The following NNT variants were observed in gnomAD, a reference collection of about 807,000 sequenced individuals.
The protein encoded by NNT is NAD(P) transhydrogenase, mitochondrial.
In NNT, 50 loss-of-function variants were observed where a neutral mutation model predicts 104.8. The ratio of observed to expected loss-of-function variants is 0.48; its 90% CI spans 0.38 to 0.60. The LOEUF (loss-of-function observed/expected upper bound fraction) is 0.60, where lower values mean the gene tolerates loss of function less well. Ranked by LOEUF, NNT falls within the 20% of genes least tolerant of loss-of-function variation. NNT has a pLI of 0.00. For synonymous variants in NNT, 461 were observed against 490.4 expected (o/e 0.94, Z 0.79); for missense variants, 1,131 against 1,330.7 (o/e 0.85, Z 2.33).
intron 19 of NNT, among the ~76,000 whole-genome samples, chr5:43,689,344 A>T (rs911392612): frequency 1.3e-5 from 2 of 152,184 alleles, no homozygotes; most frequent in Admixed American, 1.3e-4. Flanking sequence ...TTGTCTGTGA[A>T]TGAACTCTGT....
intron 10 of NNT, chr5:43,648,257 A>G (rs3805721): frequency 0.035 from 36,045 of 1,020,986 alleles, 796 homozygotes; most frequent in East Asian, 0.11. Flanking sequence ...TAGATATTCC[A>G]GTGGTGCCAC....
At chr5:43,682,676 T>C (rs970004322) in intron 19 of NNT, among the ~76,000 whole-genome samples, 1 of 152,250 alleles carries the variant, frequency 6.6e-6, no homozygotes, top group African/African-American at 2.4e-5. Flanking sequence ...GTTAAAATTA[T>C]CTTGTATAGT....
At chr5:43,672,822 G>A (rs895222025) in intron 17 of NNT, among the ~76,000 whole-genome samples, 3 of 152,232 alleles carry the variant, frequency 2.0e-5, no homozygotes, top group Non-Finnish European at 4.4e-5. Context: ...GTCAGACAGG[G>A]ACATGTAAGT....
intron 2 of NNT, among the ~76,000 whole-genome samples, chr5:43,610,450 T>A (rs548478349): frequency 6.8e-4 from 104 of 152,278 alleles, no homozygotes; most frequent in African/African-American, 2.5e-3. Context: ...TGTCTTTTAT[T>A]CTAGATGGCA....
chr5:43,648,850 A>G (rs552655637), intron 10 of NNT, among the ~76,000 whole-genome samples: 2 of 152,344 alleles, frequency 1.3e-5, no homozygotes, highest in South Asian at 4.1e-4. Flanking sequence ...AAGTTAAAAC[A>G]GGGAAGAGGA....
chr5:43,673,756 T>C (rs896995035), intron 17 of NNT, among the ~76,000 whole-genome samples: 3 of 152,172 alleles, frequency 2.0e-5, no homozygotes, highest in Non-Finnish European at 4.4e-5. Flanking sequence ...CTGTGGCTCA[T>C]TCATGTAATC....
chr5:43,644,524 T>G, intron 8 of NNT, 87 bp from the exon 9 acceptor site: 1 of 1,250,908 alleles, frequency 8.0e-7, no homozygotes. Context: ...ATTACAAAAC[T>G]TAGCATTGAA....
At chr5:43,626,877 A>G (rs1025366996) in intron 6 of NNT, among the ~76,000 whole-genome samples, 1 of 151,588 alleles carries the variant, frequency 6.6e-6, no homozygotes, top group African/African-American at 2.4e-5. Flanking sequence ...GTGTATATAT[A>G]TAACATATAA....
intron 19 of NNT, among the ~76,000 whole-genome samples, chr5:43,691,099 G>A (rs1742257188): frequency 6.6e-6 from 1 of 151,656 alleles, no homozygotes; most frequent in Non-Finnish European, 1.5e-5. Context: ...GTGTGTGTGT[G>A]TGTGTGTGTG....
intron 7 of NNT, among the ~76,000 whole-genome samples, chr5:43,641,424 G>A (rs934525287): frequency 1.3e-5 from 2 of 151,922 alleles, no homozygotes; most frequent in East Asian, 1.9e-4. Flanking sequence ...TATTAAAAAC[G>A]TTTAATTTTA....
intron 5 of NNT, among the ~76,000 whole-genome samples, chr5:43,620,645 G>A (rs1053980593): frequency 6.6e-6 from 1 of 152,088 alleles, no homozygotes; most frequent in East Asian, 1.9e-4. Context: ...TGAAAAACAG[G>A]CCAGGTGAAA....
At chr5:43,661,390 T>TTTAC (rs1740349042) in intron 17 of NNT, among the ~76,000 whole-genome samples, 1 of 106,262 alleles carries the variant, frequency 9.4e-6, no homozygotes, top group African/African-American at 5.4e-5. Context: ...GAAAGTGGCT[T>TTTAC]TTATTTATTT....
At chr5:43,661,090 T>A (rs1012890372) in intron 17 of NNT, among the ~76,000 whole-genome samples, 2 of 152,136 alleles carry the variant, frequency 1.3e-5, no homozygotes, top group Admixed American at 6.5e-5. Flanking sequence ...ACAAAGGATT[T>A]GATAGCCCAA....
intron 17 of NNT, among the ~76,000 whole-genome samples, chr5:43,671,563 GA>G (rs1291650093): frequency 6.6e-6 from 1 of 152,210 alleles, no homozygotes; most frequent in East Asian, 1.9e-4. Context: ...GGCTGGATAT[GA>G]AATTCTGGGT....
chr5:43,663,963 G>A (rs997309157), intron 17 of NNT, among the ~76,000 whole-genome samples: 9 of 152,072 alleles, frequency 5.9e-5, no homozygotes, highest in African/African-American at 1.9e-4. Context: ...GAGTTAATAT[G>A]GTACCAGTAT....
At position 43,653,108 on chromosome 5, in the gene NNT, A is replaced by G. The variant is rs777775290; in HGVS notation, c.1954A>G (p.Met652Val). ...GTARLGNALG[M>V]IGVAGGLAAT... Reference sequence around the variant, plus strand: ...AGCACGTCTTGGCAATGCACTGGGCATGATTGGGGTTGCTGGAGGACTGGC... The same window carrying G: ...AGCACGTCTTGGCAATGCACTGGGCGTGATTGGGGTTGCTGGAGGACTGGC... Residue 652 changes from methionine (M) to valine (V), a missense_variant, in exon 14 of 22, where the codon ATG (methionine) becomes GTG (valine). Met to Val is a conservative substitution (Grantham distance 21). Transcript: ENST00000344920. 8.1e-6 allele frequency: 13 copies of G among 1,613,940 alleles called. No homozygotes were observed. The East Asian group carries it at 2.9e-4, about 36-fold the overall frequency.
In NNT at chr5:43,705,767, G is replaced by A. The variant is rs2112278343; in HGVS notation, c.*1363G>A. 6.9e-6 allele frequency: 1 copy of A among 144,062 alleles called. No homozygotes were observed. Among genetic ancestry groups the A allele is most frequent in the African/African-American group, 2.7e-5 (1 of 36,766 alleles). 8.9% of individuals were successfully genotyped at this position (144,062 alleles called of 1,614,324 possible). A position where few individuals can be genotyped will look rare whatever the true frequency, so the allele number is the denominator to read the frequency against. On this transcript the variant is annotated 3_prime_UTR_variant, in exon 22 of 22. Coordinates refer to ENST00000344920, the MANE Select transcript of NNT (RefSeq NM_182977.3). ...TTTGCTGTGCCTGAGATTAAGATCTGTGTATGTGTGTGTGTGTGTGTGTGC... is the reference window on the plus strand; with the variant it reads ...TTTGCTGTGCCTGAGATTAAGATCTATGTATGTGTGTGTGTGTGTGTGTGC...
At chr5:43,701,465 T>G (rs1351382489) in intron 20 of NNT, among the ~76,000 whole-genome samples, 2 of 152,196 alleles carry the variant, frequency 1.3e-5, no homozygotes, top group Non-Finnish European at 2.9e-5. Flanking sequence ...TACCATATTT[T>G]TTTTTATCCA....
intron 7 of NNT, among the ~76,000 whole-genome samples, chr5:43,642,981 G>A (rs1335996232): frequency 1.3e-5 from 2 of 152,216 alleles, no homozygotes; most frequent in African/African-American, 2.4e-5. Flanking sequence ...CTGGAGTGCA[G>A]TGGTGCAAAA....
Sources: gnomAD v4.1 joint callset for allele counts (sites outside exome capture counted in the v4.1 genomes callset) on GRCh38, gnomAD v4.1.1 for gene constraint, MANE v1.5 for transcripts, NCBI Gene and HGNC (gene_info 2026-07-23, HGNC 2026-07-21) for gene names.